Variants in NBPF6 observed in about 807,000 individuals in gnomAD.
NBPF6 encodes the protein NBPF member 6, also known as NBPF family member NBPF6.
Under a neutral mutation model 20.8 loss-of-function variants are expected in NBPF6, and 2 were observed. The ratio of observed to expected loss-of-function variants is 0.10; its 90% CI spans 0.04 to 0.30. NBPF6 has a LOEUF of 0.30. Among genes scored for constraint, NBPF6 ranks in the 10% least tolerant of loss-of-function variants. The pLI is 1.00. For synonymous variants in NBPF6, 24 were observed against 100.0 expected, an observed-to-expected ratio of 0.24 and a Z score of 4.53; for missense variants, 85 against 260.3, an observed-to-expected ratio of 0.33 and a Z score of 4.63.
Position 108,470,577 on chromosome 1 carries a change from T to G in NBPF6, c.1876-20T>G. ...TGACAAAAATGCTCATTTGATTTTT[T>G]TTCTCTCTCTCCCCTACAGATACCA... is the stretch of plus-strand genomic sequence containing the variant. On this transcript the variant is annotated intron_variant, in intron 14 of 14. Coordinates refer to ENST00000495380, the MANE Select transcript of NBPF6 (RefSeq NM_001143988.2). 4 of 1,544,650 alleles carry G rather than the reference T, an allele frequency of 2.6e-6. No homozygotes were observed. Among genetic ancestry groups the G allele is most frequent in the Non-Finnish European group, 3.5e-6 (4 of 1,144,592 alleles).
rs1571386642 is a variant in NBPF6 at position 108,470,867 on chromosome 1, A to G, written c.*229A>G. Reference sequence around the variant, plus strand: ...GGGAGACCAATGCCCAGATGGACAAATAGCATTGACTGGCGTTAGCCCTGT... The same window carrying G: ...GGGAGACCAATGCCCAGATGGACAAGTAGCATTGACTGGCGTTAGCCCTGT... On this transcript the variant is annotated 3_prime_UTR_variant, in exon 15 of 15. Transcript: ENST00000495380. 9.5e-6 allele frequency: 4 copies of G among 420,928 alleles called. No homozygotes were observed. The East Asian group carries it at 1.7e-4, about 18-fold the overall frequency. The allele number at this position is 420,928 out of a possible 1,614,324, so 26.1% of individuals were successfully genotyped here.
chr1:108,470,412 AG>A (rs1235291272), intron 14 of NBPF6, among the ~76,000 whole-genome samples, 184 bp from the exon 15 acceptor site: 4 of 146,428 alleles, frequency 2.7e-5, no homozygotes, highest in Admixed American at 6.7e-5. Context: ...GAAGTTCAGG[AG>A]TGTTTTCTTC....
At chr1:108,468,174 C>T (rs1653252624) in intron 14 of NBPF6, among the ~76,000 whole-genome samples, 1 of 151,594 alleles carries the variant, frequency 6.6e-6, no homozygotes, top group Non-Finnish European at 1.5e-5. Context: ...AGTGTTAAAA[C>T]TAAGCACTAA....
chr1:108,448,590 A>T (rs1652710677), upstream of NBPF6, among the ~76,000 whole-genome samples: 1 of 114,914 alleles, frequency 8.7e-6, no homozygotes, highest in African/African-American at 3.1e-5. Flanking sequence ...AGCATCACAG[A>T]AACCAAAAAA....
At chr1:108,469,418 C>G (rs1653338701) in intron 14 of NBPF6, among the ~76,000 whole-genome samples, 1 of 150,376 alleles carries the variant, frequency 6.6e-6, no homozygotes, top group South Asian at 2.1e-4. Context: ...ACTCATTGGT[C>G]CCCCTGTCCT....
chr1:108,435,839 C>G, the NBPF6 span, among the ~76,000 whole-genome samples: 1 of 57,278 alleles, frequency 1.7e-5, no homozygotes, highest in African/African-American at 4.7e-5. Flanking sequence ...AGGACCCCCC[C>G]CCGAAAGATA....
chr1:108,460,606 CCATT>C (rs1653085893), intron 10 of NBPF6, among the ~76,000 whole-genome samples: 1 of 111,900 alleles, frequency 8.9e-6, no homozygotes, highest in African/African-American at 4.6e-5. Flanking sequence ...GCTGAGCAGT[CCATT>C]ACCTTTTGTT....
rs1653240920 is a variant in NBPF6 at position 108,468,042 on chromosome 1, G to A, written c.1875+377G>A. On this transcript the variant is annotated intron_variant, in intron 14 of 14. Coordinates refer to ENST00000495380, the MANE Select transcript of NBPF6 (RefSeq NM_001143988.2). ...TCCTTGCTGCATCCCCAACTCCATT[G>A]CCTCTTTGTGTAGAAATCATTGCTT... 1.3e-5 allele frequency among the ~76,000 whole-genome samples: 2 copies of A among 151,064 alleles called. 1 individual carries two copies. Among genetic ancestry groups the A allele is most frequent in the African/African-American group, 4.9e-5 (2 of 40,806 alleles).
At position 108,470,658 on chromosome 1, in the gene NBPF6, G is replaced by T; in HGVS notation, c.*20G>T. 1.3e-6 allele frequency: 2 copies of T among 1,552,518 alleles called. No individual in the cohort carries two copies. The highest frequency in any genetic ancestry group is 1.7e-6 in the Non-Finnish European group (2 of 1,148,042). On this transcript the variant is annotated 3_prime_UTR_variant, in exon 15 of 15. Transcript: ENST00000495380. ...GGATGAAAGAATGTCACAAAAAGCA[G>T]CTTTTCCACTTGATAAAAACAACTA...
rs1653486983 is a variant in NBPF6 at position 108,471,753 on chromosome 1, G to A, written c.*1115G>A. 1.3e-5 allele frequency among the ~76,000 whole-genome samples: 2 copies of A among 152,136 alleles called. No individual in the cohort carries two copies. The highest frequency in any genetic ancestry group is 2.4e-5 in the African/African-American group (1 of 41,428). The stretch of plus-strand genomic sequence containing the variant: ...CCAAAATTAATTTTAGTCCATTAAA[G>A]TTAAAATGTTAAAGTTTTAAATCAC... On this transcript the variant is annotated 3_prime_UTR_variant, in exon 15 of 15. Transcript: ENST00000495380.
chr1:108,453,012 A>G (rs4996801), intron 3 of NBPF6, among the ~76,000 whole-genome samples, 169 bp from the exon 4 acceptor site: 7,471 of 37,354 alleles, frequency 0.2, 2,374 homozygotes, highest in East Asian at 0.63. Flanking sequence ...GTGTGTGTAT[A>G]TATATATATA....
rs930129289 is a variant in NBPF6 at position 108,471,272 on chromosome 1, C to G, written c.*634C>G. Among the ~76,000 whole-genome samples, 1 of 152,192 alleles carries G rather than the reference C, an allele frequency of 6.6e-6. No individual in the cohort carries two copies. The highest frequency in any genetic ancestry group is 1.5e-5 in the Non-Finnish European group (1 of 68,052). On this transcript the variant is annotated 3_prime_UTR_variant, in exon 15 of 15. Transcript: ENST00000495380. ...ATGGACTTGTTTGTGGAGGACGGGTCAGCTCTCTGGCTCAATGGTCTACAT... is the reference window on the plus strand; with the variant it reads ...ATGGACTTGTTTGTGGAGGACGGGTGAGCTCTCTGGCTCAATGGTCTACAT...
upstream of NBPF6, among the ~76,000 whole-genome samples, chr1:108,448,234 T>C (rs2101038494): frequency 6.9e-6 from 1 of 145,834 alleles, no homozygotes; most frequent in East Asian, 2.0e-4. Flanking sequence ...TGCTTTGAGA[T>C]GTAGCAAAGG....
the NBPF6 span, among the ~76,000 whole-genome samples, chr1:108,429,054 A>AT: frequency 0.082 from 173 of 2,118 alleles, 1 homozygote; most frequent in Middle Eastern, 0.25. Context: ...TGTGGTTTTG[A>AT]TTGAACTTCT....
chr1:108,449,428 A>C (rs1302771663), upstream of NBPF6, among the ~76,000 whole-genome samples: 33 of 10,992 alleles, frequency 3.0e-3, no homozygotes, highest in African/African-American at 4.1e-3. Flanking sequence ...ATATATATAT[A>C]TATATATATA....
intron 14 of NBPF6, among the ~76,000 whole-genome samples, chr1:108,468,073 C>T (rs1008228273): frequency 5.3e-5 from 8 of 151,144 alleles, no homozygotes; most frequent in Admixed American, 1.3e-4. Flanking sequence ...TGCTTTAATA[C>T]GTCATTTACA....
chr1:108,448,309 T>C (rs1652689671), upstream of NBPF6, among the ~76,000 whole-genome samples: 2 of 147,054 alleles, frequency 1.4e-5, no homozygotes, highest in South Asian at 2.1e-4. Flanking sequence ...AGAAAAGTTA[T>C]AAAAAGGCAA....
chr1:108,470,474 A>C (rs1310005181), intron 14 of NBPF6, 123 bp from the exon 15 acceptor site: 4 of 927,304 alleles, frequency 4.3e-6, no homozygotes, highest in Non-Finnish European at 6.5e-6. Context: ...CTCACCCTCC[A>C]GCTCATCCTC....
chr1:108,459,724 TTC>T (rs1336874468), intron 9 of NBPF6, among the ~76,000 whole-genome samples: 1 of 55,114 alleles, frequency 1.8e-5, no homozygotes, highest in African/African-American at 6.4e-5. Context: ...CACCTGATGC[TTC>T]TCTCTCTCTC....
Sources: allele counts gnomAD v4.1 joint callset (sites outside exome capture counted in the v4.1 genomes callset), GRCh38; gene constraint gnomAD v4.1.1; transcripts MANE v1.5; gene names NCBI Gene and HGNC (gene_info 2026-07-23, HGNC 2026-07-21).